AKT2: variants seen among roughly 807,000 people sequenced by gnomAD.
AKT2 encodes AKT serine/threonine kinase 2, also known as RAC-beta serine/threonine-protein kinase.
AKT2 carries 16 observed loss-of-function variants against 58.6 expected under a neutral mutation model. That is an observed-to-expected ratio of 0.27 (90% CI 0.18 to 0.41). The LOEUF is 0.41. AKT2 is among the 10% of genes least tolerant of loss of function. The pLI is 1.00. For synonymous variants in AKT2, 253 were observed against 254.0 expected, an observed-to-expected ratio of 1.00 and a Z score of 0.04; for missense variants, 438 against 661.0, an observed-to-expected ratio of 0.66 and a Z score of 3.70.
chr19:40,267,767 C>G (rs1049394488), intron 1 of AKT2, among the ~76,000 whole-genome samples: 1 of 152,160 alleles, frequency 6.6e-6, no homozygotes, highest in Non-Finnish European at 1.5e-5. Flanking sequence ...GTACCAGCAA[C>G]AGAATGTCAC....
chr19:40,275,538 AG>A, intron 1 of AKT2: 1 of 358,550 alleles, frequency 2.8e-6, no homozygotes, highest in South Asian at 2.1e-5. Context: ...ACATGCACAC[AG>A]TCACAGCGAG....
rs140609133 is a variant in AKT2, at chr19:40,244,702, T to C, written c.288-2015A>G. On this transcript the variant is annotated intron_variant, in intron 4 of 13. Transcript: ENST00000392038. ...AGTGTAATCACGCAAATCCCAGTGA[T>C]TTAAATAAGCCACAGGGAGTGCAGC... Among the ~76,000 whole-genome samples, 40 of 152,276 alleles carry C rather than the reference T, an allele frequency of 2.6e-4. No homozygotes were observed. In the East Asian group the frequency reaches 7.7e-3, roughly 29 times the overall value.
At chr19:40,246,978 G>C (rs1462451743) in intron 4 of AKT2, among the ~76,000 whole-genome samples, 1 of 152,216 alleles carries the variant, frequency 6.6e-6, no homozygotes, top group Non-Finnish European at 1.5e-5. Flanking sequence ...GCAGGGGCGG[G>C]CCTACCCCAC....
intron 7 of AKT2, 128 bp from the exon 8 acceptor site, chr19:40,239,101 T>C (rs535883572): frequency 8.4e-4 from 711 of 844,520 alleles, no homozygotes; most frequent in Middle Eastern, 2.5e-3. Context: ...CCCCCAGGAG[T>C]CAGCCATATG....
At chr19:40,266,670 C>A (rs528887810) in intron 1 of AKT2, among the ~76,000 whole-genome samples, 2 of 152,286 alleles carry the variant, frequency 1.3e-5, no homozygotes, top group East Asian at 3.9e-4. Context: ...CTCGGCCGGG[C>A]ACAATGGCTC....
At position 40,234,046 on chromosome 19, in the gene AKT2, G is replaced by A; in HGVS notation, c.1367-95C>T. ...GGGGAAACGGCCCCAGCTGGCGGGG[G>A]CTGCCCACAGGACAGGACAGGAAAG... On this transcript the variant is annotated intron_variant, in intron 13 of 13. Transcript: ENST00000392038. This position sits in a 1 kb window ranked among gnomAD's most constrained non-coding sequence, Gnocchi z 4.7. The A allele has an allele frequency of 1.6e-6, 2 of 1,285,680 alleles. No individual in the cohort carries two copies. The highest frequency in any genetic ancestry group is 2.5e-5 in the East Asian group (1 of 40,518). The allele number at this position is 1,285,680 out of a possible 1,614,324, so 79.6% of individuals were successfully genotyped here.
chr19:40,230,599 G>A lies in AKT2; in HGVS notation c.*3273C>T, dbSNP rs1018785734. On this transcript the variant is annotated 3_prime_UTR_variant, in exon 14 of 14. Transcript: ENST00000392038. ...CAGGAAACTACCAATTTATGATGCC[G>A]TGTCCATTTGCAGAGAGGTAATCAG... 4.4e-5 allele frequency: 10 copies of A among 228,316 alleles called. No homozygotes were observed. The highest frequency in any genetic ancestry group is 7.8e-5 in the Non-Finnish European group (9 of 115,044). 14.1% of individuals were successfully genotyped at this position (228,316 alleles called of 1,614,324 possible).
At chr19:40,280,340 A>G (rs59106111) in intron 1 of AKT2, among the ~76,000 whole-genome samples, 18,074 of 152,196 alleles carry the variant, frequency 0.12, 1,558 homozygotes, top group African/African-American at 0.24. Context: ...CGGGCTCTGG[A>G]GAACACGGTG....
intron 2 of AKT2, among the ~76,000 whole-genome samples, chr19:40,260,867 G>A (rs1975898557): frequency 6.6e-6 from 1 of 152,168 alleles, no homozygotes; most frequent in African/African-American, 2.4e-5. Flanking sequence ...AGGATCACTT[G>A]AGACCAGGAG....
intron 2 of AKT2, among the ~76,000 whole-genome samples, chr19:40,264,488 C>T (rs552199119): frequency 8.5e-5 from 13 of 152,146 alleles, no homozygotes; most frequent in African/African-American, 1.9e-4. Context: ...CCTGCAGGCG[C>T]GACACAGCTG....
chr19:40,258,423 G>C (rs950414319), intron 2 of AKT2, among the ~76,000 whole-genome samples: 105 of 151,882 alleles, frequency 6.9e-4, no homozygotes, highest in African/African-American at 2.4e-3. Flanking sequence ...TAAAATCCTA[G>C]CACTTTGGGA....
chr19:40,279,874 G>C (rs1238904904), intron 1 of AKT2, among the ~76,000 whole-genome samples: 2 of 152,116 alleles, frequency 1.3e-5, no homozygotes, highest in Admixed American at 1.3e-4. Context: ...TGTAAAGCGG[G>C]AATCAGAGAA....
chr19:40,236,649 T>C (rs893589227), intron 9 of AKT2: 40 of 529,562 alleles, frequency 7.6e-5, no homozygotes, highest in African/African-American at 2.5e-4. Flanking sequence ...ACCGTCCCCA[T>C]TGTGAACTGT....
intron 2 of AKT2, among the ~76,000 whole-genome samples, chr19:40,263,524 C>T (rs1976114239): frequency 6.6e-6 from 1 of 152,166 alleles, no homozygotes; most frequent in Non-Finnish European, 1.5e-5. Flanking sequence ...GAGGAAGCAG[C>T]AGAACCAGGG....
At chr19:40,249,403 C>T (rs947631987) in intron 4 of AKT2, among the ~76,000 whole-genome samples, 3 of 152,234 alleles carry the variant, frequency 2.0e-5, no homozygotes, top group Non-Finnish European at 4.4e-5. Flanking sequence ...CTCTACACCA[C>T]ATGACAGCCA....
At chr19:40,281,483 C>T (rs2077422971) in intron 1 of AKT2, among the ~76,000 whole-genome samples, 1 of 152,056 alleles carries the variant, frequency 6.6e-6, no homozygotes, top group South Asian at 2.1e-4. Context: ...CAGAGGGAGG[C>T]CCTGTCTCAA....
rs936441129 is a variant in AKT2 at position 40,230,942 on chromosome 19, C to T, written c.*2930G>A. The T allele has an allele frequency of 1.6e-5, 3 of 189,712 alleles. No individual in the cohort carries two copies. The highest frequency in any genetic ancestry group is 3.9e-4 in the South Asian group (2 of 5,114). 11.8% of individuals were successfully genotyped at this position (189,712 alleles called of 1,614,324 possible). On this transcript the variant is annotated 3_prime_UTR_variant, in exon 14 of 14. Transcript: ENST00000392038. ...CTCCCTATGATGCCCAGGCTGGTCT[C>T]GAACCCCTGGCCTCAAGAGACCCGC... is the stretch of plus-strand genomic sequence containing the variant.
chr19:40,255,061 A>G, intron 4 of AKT2, 97 bp downstream of exon 4: 1 of 995,814 alleles, frequency 1.0e-6, no homozygotes, highest in South Asian at 1.3e-5. Flanking sequence ...GGAAACCCCT[A>G]TGTAGGGTCC....
At chr19:40,275,775 G>C (rs1374695117) in intron 1 of AKT2, among the ~76,000 whole-genome samples, 1 of 95,880 alleles carries the variant, frequency 1.0e-5, no homozygotes, top group African/African-American at 3.7e-5. Flanking sequence ...GGGGGGGGGG[G>C]GGGTGGGCGG....
Sources: gnomAD v4.1 joint callset for allele counts (sites outside exome capture counted in the v4.1 genomes callset) on GRCh38, gnomAD v4.1.1 for gene constraint, Gnocchi (gnomAD v3.1) non-coding constraint, MANE v1.5 for transcripts, NCBI Gene and HGNC (gene_info 2026-07-23, HGNC 2026-07-21) for gene names.